Variants in SPOPL observed in about 807,000 individuals in gnomAD.
SPOPL encodes speckle type BTB/POZ protein like.
A neutral mutation model predicts 53.8 loss-of-function variants in SPOPL; 23 were observed. The observed-to-expected ratio is 0.43, with a 90% CI of 0.31 to 0.61. The LOEUF is 0.61. Among genes scored for constraint, SPOPL ranks in the 20% least tolerant of loss-of-function variants. The pLI is 0.12. For synonymous variants in SPOPL, 164 were observed against 149.7 expected (o/e 1.10, Z -0.70); for missense variants, 442 against 466.9 (o/e 0.95, Z 0.49).
At chr2:138,516,709 CA>C (rs1290638613) in intron 1 of SPOPL, among the ~76,000 whole-genome samples, 1 of 152,180 alleles carries the variant, frequency 6.6e-6, no homozygotes, top group African/African-American at 2.4e-5. Flanking sequence ...GAGGGTATAG[CA>C]TTTGACTCAC....
intron 5 of SPOPL, chr2:138,554,654 T>C (rs1276642517): frequency 3.1e-6 from 1 of 324,602 alleles, no homozygotes; most frequent in Non-Finnish European, 4.9e-6. Context: ...CTCTGCCCTC[T>C]TTCCCAAAGT....
chr2:138,512,283 A>T (rs1178662900), intron 1 of SPOPL, among the ~76,000 whole-genome samples: 2 of 152,192 alleles, frequency 1.3e-5, no homozygotes, highest in Admixed American at 6.5e-5. Context: ...ATAATACTGT[A>T]TAAAGTTTTA....
chr2:138,549,287 T>A (rs528124759), intron 1 of SPOPL, among the ~76,000 whole-genome samples: 1 of 152,230 alleles, frequency 6.6e-6, no homozygotes, highest in South Asian at 2.1e-4. Flanking sequence ...TATAATATCC[T>A]TTATCTCTCA....
Position 138,560,862 on chromosome 2 carries a change from A to G in SPOPL, c.772A>G (p.Ile258Val), listed in dbSNP as rs1685531028. The G allele has an allele frequency of 2.0e-5, 32 of 1,610,836 alleles. No individual in the cohort carries two copies. The highest frequency in any genetic ancestry group is 2.5e-5 in the Non-Finnish European group (29 of 1,179,118). ...PEVFKEMMRF[I>V]YTGRAPNLDK... ...AGTTTTTAAAGAAATGATGAGATTCATTTACACAGGGAGAGCACCAAACCT... is the reference window on the plus strand; with the variant it reads ...AGTTTTTAAAGAAATGATGAGATTCGTTTACACAGGGAGAGCACCAAACCT... The change falls in exon 8 of 11, where the codon ATT (isoleucine) becomes GTT (valine). Residue 258 changes from isoleucine to valine, a missense_variant. Physicochemically the swap from Ile to Val is conservative, Grantham distance 29. Coordinates refer to ENST00000280098, the MANE Select transcript of SPOPL (RefSeq NM_001001664.3).
chr2:138,568,027 G>A (rs1390667916), intron 10 of SPOPL, among the ~76,000 whole-genome samples: 2 of 152,116 alleles, frequency 1.3e-5, no homozygotes. Flanking sequence ...AACATAATAT[G>A]ATGCTGTATT....
intron 1 of SPOPL, among the ~76,000 whole-genome samples, chr2:138,540,617 G>A (rs1685049244): frequency 6.6e-6 from 1 of 152,144 alleles, no homozygotes; most frequent in Admixed American, 6.6e-5. Flanking sequence ...TGCTGAAGTT[G>A]CTTATCAGCT....
intron 1 of SPOPL, among the ~76,000 whole-genome samples, chr2:138,542,008 A>G (rs1237760741): frequency 6.6e-6 from 1 of 152,098 alleles, no homozygotes; most frequent in African/African-American, 2.4e-5. Context: ...AGTAGTCATT[A>G]AGGAGCAGGT....
In SPOPL at chr2:138,560,920, C is replaced by T. The variant is rs1249928881; in HGVS notation, c.830C>T (p.Ala277Val). 2.5e-6 allele frequency: 4 copies of T among 1,608,650 alleles called. No individual in the cohort carries two copies. The highest frequency in any genetic ancestry group is 3.4e-6 in the Non-Finnish European group (4 of 1,178,600). ...ATGGCTGACAACTTGTTGGCAGCTG[C>T]AGACAAAGTAAGTAATTAGGTCTTA... ...DKMADNLLAA[A>V]DKYALERLKV... is the part of the protein sequence containing the mutation. Residue 277 changes from alanine (A) to valine (V), a missense_variant, in exon 8 of 11, where the codon GCA becomes GTA. Coordinates refer to ENST00000280098, the MANE Select transcript of SPOPL (RefSeq NM_001001664.3).
chr2:138,565,214 A>T (rs1339113127), intron 10 of SPOPL, among the ~76,000 whole-genome samples: 1 of 152,224 alleles, frequency 6.6e-6, no homozygotes, highest in African/African-American at 2.4e-5. Flanking sequence ...GTAATATCTT[A>T]AGCGCATAAT....
chr2:138,535,149 G>A (rs1417015979), intron 1 of SPOPL, among the ~76,000 whole-genome samples: 3 of 152,162 alleles, frequency 2.0e-5, no homozygotes, highest in Admixed American at 2.0e-4. Flanking sequence ...TTCAGCCTGA[G>A]TGGCAGAGCA....
chr2:138,559,168 A>G lies in SPOPL; in HGVS notation c.627A>G (p.Gln209=). Residue 209 remains glutamine, a synonymous_variant, in exon 6 of 11, where the codon CAA becomes CAG. Transcript: ENST00000280098. The part of the protein sequence containing the change: ...FTDCSFFVRG[Q]EFKAHKSVLA... ...ACTGCAGTTTTTTCGTGAGAGGACA[A>G]GAATTTAAAGCTCATAAATCTGTGC... is the stretch of plus-strand genomic sequence containing the variant. The G allele has an allele frequency of 1.2e-6, 2 of 1,613,806 alleles. No individual in the cohort carries two copies. Among genetic ancestry groups the G allele is most frequent in the Middle Eastern group, 1.7e-4 (1 of 6,054 alleles).
At position 138,560,879 on chromosome 2, in the gene SPOPL, A is replaced by G. The variant is rs1168608146; in HGVS notation, c.789A>G (p.Ala263=). Residue 263 remains alanine, a synonymous_variant, in exon 8 of 11, where the codon GCA becomes GCG. Coordinates refer to ENST00000280098, the MANE Select transcript of SPOPL (RefSeq NM_001001664.3). ...TGAGATTCATTTACACAGGGAGAGC[A>G]CCAAACCTTGACAAAATGGCTGACA... ...EMMRFIYTGR[A]PNLDKMADNL... 2.5e-6 allele frequency: 4 copies of G among 1,611,392 alleles called. No individual in the cohort carries two copies. Among genetic ancestry groups the G allele is most frequent in the Admixed American group, 1.7e-5 (1 of 59,660 alleles).
At chr2:138,550,734 T>G (rs1685295784) in intron 3 of SPOPL, 130 bp downstream of exon 3, 1 of 1,427,656 alleles carries the variant, frequency 7.0e-7, no homozygotes, top group African/African-American at 1.4e-5. Flanking sequence ...AGTATGTTCC[T>G]AATAGTGTGG....
intron 5 of SPOPL, among the ~76,000 whole-genome samples, chr2:138,557,849 G>T (rs1474025782): frequency 2.6e-5 from 4 of 151,980 alleles, no homozygotes; most frequent in Non-Finnish European, 5.9e-5. Context: ...TAGCATAGTA[G>T]AATCCATTTT....
chr2:138,523,252 G>A (rs554739410), intron 1 of SPOPL, among the ~76,000 whole-genome samples: 6 of 152,222 alleles, frequency 3.9e-5, no homozygotes, highest in Non-Finnish European at 5.9e-5. Context: ...GGAAATTCCC[G>A]TTTTTAAAAC....
intron 1 of SPOPL, among the ~76,000 whole-genome samples, chr2:138,509,963 C>A (rs1426554259): frequency 1.3e-5 from 2 of 152,168 alleles, no homozygotes; most frequent in Admixed American, 6.5e-5. Context: ...TACTGTTTTG[C>A]CATTTCCAAA....
rs1266705200 is a variant in SPOPL at position 138,545,653 on chromosome 2, A to G, written c.-60-4504A>G. On this transcript the variant is annotated intron_variant, in intron 1 of 10. Coordinates refer to ENST00000280098, the MANE Select transcript of SPOPL (RefSeq NM_001001664.3). Reference sequence around the variant, plus strand: ...ACAGGGTTTCACCGTGTTAGCCAGGATGGTCTCGATCTTCTGACCTCATGA... The same window carrying G: ...ACAGGGTTTCACCGTGTTAGCCAGGGTGGTCTCGATCTTCTGACCTCATGA... 2.0e-5 allele frequency among the ~76,000 whole-genome samples: 3 copies of G among 151,694 alleles called. No homozygotes were observed. The East Asian group carries it at 5.8e-4, about 29-fold the overall frequency.
chr2:138,523,097 G>A (rs989494248), intron 1 of SPOPL, among the ~76,000 whole-genome samples: 1 of 152,270 alleles, frequency 6.6e-6, no homozygotes, highest in East Asian at 1.9e-4. Flanking sequence ...TTTTCACACT[G>A]CCTATAAAGA....
chr2:138,504,936 T>G (rs1684181906), intron 1 of SPOPL, among the ~76,000 whole-genome samples: 1 of 152,244 alleles, frequency 6.6e-6, no homozygotes, highest in African/African-American at 2.4e-5. Flanking sequence ...TAAGACTTTT[T>G]TATTCCTATT....
Sources: gnomAD v4.1 joint callset for allele counts (sites outside exome capture counted in the v4.1 genomes callset) on GRCh38, gnomAD v4.1.1 for gene constraint, MANE v1.5 for transcripts, NCBI Gene and HGNC (gene_info 2026-07-23, HGNC 2026-07-21) for gene names.